The following SNX24 variants were observed in gnomAD, a reference collection of about 807,000 sequenced individuals.
SNX24 encodes sorting nexin 24, also known as sorting nexin-24.
In SNX24, 22 loss-of-function variants were observed where a neutral mutation model predicts 28.7. That is an observed-to-expected ratio of 0.77 (90% CI 0.55 to 1.10). The LOEUF is 1.10. Ranked by LOEUF, SNX24 falls within the 50% of genes least tolerant of loss-of-function variation. The pLI is 0.00. For synonymous variants in SNX24, 69 were observed against 71.5 expected, an observed-to-expected ratio of 0.96 and a Z score of 0.18; for missense variants, 221 against 201.1, an observed-to-expected ratio of 1.10 and a Z score of -0.60.
At chr5:122,931,040 C>G (rs1468883890) in intron 1 of SNX24, among the ~76,000 whole-genome samples, 1 of 152,236 alleles carries the variant, frequency 6.6e-6, no homozygotes, top group Non-Finnish European at 1.5e-5. Context: ...TGAGGGCTTA[C>G]TATATTTAGA....
intron 1 of SNX24, among the ~76,000 whole-genome samples, chr5:122,912,302 A>T (rs1400083301): frequency 1.4e-5 from 2 of 146,452 alleles, no homozygotes; most frequent in African/African-American, 2.6e-5. Context: ...AATGCTTGTG[A>T]TTTTTGTACA....
chr5:122,887,080 T>C (rs1018924669), intron 1 of SNX24, among the ~76,000 whole-genome samples: 1 of 152,206 alleles, frequency 6.6e-6, no homozygotes, highest in Non-Finnish European at 1.5e-5. Context: ...GTATAGTTTA[T>C]TAATTGAAAC....
chr5:122,855,293 C>G (rs1755132082), intron 1 of SNX24, among the ~76,000 whole-genome samples: 1 of 152,168 alleles, frequency 6.6e-6, no homozygotes. Context: ...TGGTCTCGAA[C>G]TCCTGACCTC....
chr5:123,001,798 G>A lies in SNX24; in HGVS notation c.378-142G>A, dbSNP rs1335263103. On this transcript the variant is annotated intron_variant, in intron 5 of 6. Coordinates refer to ENST00000261369, the MANE Select transcript of SNX24 (RefSeq NM_014035.4). The stretch of plus-strand genomic sequence containing the variant: ...GCCCATTTGTTCACTCTTACTCTGC[G>A]TGCTATTATTCACCCACACTGTTAG... 1.7e-5 allele frequency: 12 copies of A among 699,328 alleles called. No homozygotes were observed. Among genetic ancestry groups the A allele is most frequent in the Admixed American group, 1.6e-4 (7 of 45,050 alleles). The allele number at this position is 699,328 out of a possible 1,614,324, so 43.3% of individuals were successfully genotyped here.
intron 1 of SNX24, among the ~76,000 whole-genome samples, chr5:122,886,760 G>A (rs373254938): frequency 3.9e-5 from 6 of 152,062 alleles, no homozygotes; most frequent in African/African-American, 1.4e-4. Context: ...AACCCGGGAG[G>A]CGGAGGTTGC....
intron 3 of SNX24, among the ~76,000 whole-genome samples, chr5:122,953,660 G>C (rs1220167365): frequency 2.6e-5 from 4 of 152,274 alleles, no homozygotes; most frequent in Admixed American, 2.6e-4. Context: ...GTAATATTTA[G>C]ACAAAGGTTT....
At chr5:122,870,145 C>T (rs1755908437) in intron 1 of SNX24, among the ~76,000 whole-genome samples, 1 of 152,174 alleles carries the variant, frequency 6.6e-6, no homozygotes, top group East Asian at 1.9e-4. Flanking sequence ...ATCTAGGCCT[C>T]ATGTGAGAAT....
At chr5:122,959,174 A>G (rs944575776) in intron 3 of SNX24, among the ~76,000 whole-genome samples, 4 of 152,122 alleles carry the variant, frequency 2.6e-5, no homozygotes, top group Middle Eastern at 6.8e-3. Context: ...TACTAGTTAG[A>G]GACCTGTTCA....
chr5:122,936,871 TTAAC>T, intron 2 of SNX24, 54 bp downstream of exon 2: 5 of 1,042,634 alleles, frequency 4.8e-6, no homozygotes, highest in Non-Finnish European at 3.0e-6. Flanking sequence ...TGGTATAATG[TTAAC>T]TAACACTCCT....
intron 3 of SNX24, among the ~76,000 whole-genome samples, chr5:122,960,062 G>T (rs1316887780): frequency 6.6e-6 from 1 of 152,090 alleles, no homozygotes; most frequent in Non-Finnish European, 1.5e-5. Context: ...TCTTTTCTGT[G>T]AGCTTCTTCA....
chr5:122,895,839 C>T (rs1757176742), intron 1 of SNX24, among the ~76,000 whole-genome samples: 1 of 152,172 alleles, frequency 6.6e-6, no homozygotes, highest in Non-Finnish European at 1.5e-5. Flanking sequence ...TGCAGCAGTA[C>T]AGAAATGATA....
chr5:122,883,595 T>G (rs1289390702), intron 1 of SNX24, among the ~76,000 whole-genome samples: 1 of 152,186 alleles, frequency 6.6e-6, no homozygotes, highest in Non-Finnish European at 1.5e-5. Flanking sequence ...TTGGAGCCAG[T>G]AAGCTTCTAA....
At chr5:122,960,904 A>C (rs30061) in intron 3 of SNX24, among the ~76,000 whole-genome samples, 1 of 152,214 alleles carries the variant, frequency 6.6e-6, no homozygotes, top group Admixed American at 6.5e-5. Context: ...TCTAATTACT[A>C]TCTTAGAATT....
intron 1 of SNX24, among the ~76,000 whole-genome samples, chr5:122,884,434 G>T (rs571408282): frequency 3.3e-5 from 5 of 151,384 alleles, no homozygotes; most frequent in South Asian, 2.1e-4. Context: ...TTTAGTAAAG[G>T]TGGGGTTTCA....
At chr5:122,983,984 T>C (rs1180989569) in intron 3 of SNX24, among the ~76,000 whole-genome samples, 2 of 152,232 alleles carry the variant, frequency 1.3e-5, no homozygotes, top group Middle Eastern at 3.2e-3. Flanking sequence ...TTGATATTTG[T>C]TGCTTTACTG....
intron 3 of SNX24, among the ~76,000 whole-genome samples, chr5:122,969,993 C>T (rs1336094428): frequency 1.3e-5 from 2 of 152,046 alleles, no homozygotes; most frequent in Non-Finnish European, 2.9e-5. Context: ...AAACTACTCT[C>T]TTCACTAAAC....
chr5:122,873,139 A>G (rs909677043), intron 1 of SNX24, among the ~76,000 whole-genome samples: 5 of 151,708 alleles, frequency 3.3e-5, no homozygotes, highest in Middle Eastern at 3.4e-3. Context: ...GGCTAATTTT[A>G]TTTTTTGTAT....
intron 3 of SNX24, among the ~76,000 whole-genome samples, chr5:122,953,459 ATC>A (rs1760057114): frequency 6.6e-6 from 1 of 151,920 alleles, no homozygotes; most frequent in Non-Finnish European, 1.5e-5. Context: ...GAATGACAGA[ATC>A]CTTGTAATGC....
chr5:123,000,185 T>C (rs965480455), intron 4 of SNX24, among the ~76,000 whole-genome samples, 179 bp downstream of exon 4: 1 of 152,254 alleles, frequency 6.6e-6, no homozygotes. Flanking sequence ...TGAGTCCTTA[T>C]GCCCATCTTG....
Sources: gnomAD v4.1 joint callset for allele counts (sites outside exome capture counted in the v4.1 genomes callset) on GRCh38, gnomAD v4.1.1 for gene constraint, MANE v1.5 for transcripts, NCBI Gene and HGNC (gene_info 2026-07-23, HGNC 2026-07-21) for gene names.